The following CAMTA1 variants were observed in gnomAD, a reference collection of about 807,000 sequenced individuals.
The protein encoded by CAMTA1 is calmodulin binding transcription activator 1.
In CAMTA1, 27 loss-of-function variants were observed where a neutral mutation model predicts 170.9. The observed-to-expected ratio is 0.16, with a 90% CI of 0.12 to 0.22. CAMTA1 has a LOEUF of 0.22. Among genes scored for constraint, CAMTA1 ranks in the 10% least tolerant of loss-of-function variants. CAMTA1 has a pLI of 1.00. For missense variants in CAMTA1, 1,619 were observed against 2,217.2 expected (o/e 0.73, Z 5.42); for synonymous variants, 833 against 891.5 (o/e 0.93, Z 1.17).
chr1:7,403,124 G>C (rs192412173), intron 5 of CAMTA1, among the ~76,000 whole-genome samples: 30 of 149,530 alleles, frequency 2.0e-4, no homozygotes, highest in Non-Finnish European at 4.0e-4. Flanking sequence ...AGGCCTAGGT[G>C]GGGGGATCAG....
intron 5 of CAMTA1, among the ~76,000 whole-genome samples, chr1:7,418,322 A>G (rs2091335041): frequency 1.3e-5 from 2 of 152,146 alleles, no homozygotes; most frequent in African/African-American, 4.8e-5. Context: ...CAGCCTCCCA[A>G]ATAGCTGGGA....
chr1:7,064,215 G>GCTC lies in CAMTA1; in HGVS notation c.235-27080_235-27078dup, dbSNP rs1387111792. On this transcript the variant is annotated intron_variant, in intron 3 of 22. Transcript: ENST00000303635. This position sits in a 1 kb window ranked among gnomAD's most constrained non-coding sequence, Gnocchi z 5.4. ...CCTCTTCTTTCTCCCCTTTCCTCCT[G>GCTC]CTCCTCCTCCTGCTCCTTCCTCTTG... 1.4e-5 allele frequency among the ~76,000 whole-genome samples: 2 copies of GCTC among 144,560 alleles called. No individual in the cohort carries two copies. Among genetic ancestry groups the GCTC allele is most frequent in the Non-Finnish European group, 3.0e-5 (2 of 66,500 alleles). The allele number at this position is 144,560 out of a possible 152,430, so 94.8% of individuals were successfully genotyped here.
At chr1:6,803,095 G>A (rs1644074796) in intron 1 of CAMTA1, among the ~76,000 whole-genome samples, 1 of 152,192 alleles carries the variant, frequency 6.6e-6, no homozygotes, top group South Asian at 2.1e-4. Context: ...ACCTTGGAAT[G>A]CTATGGTCTG....
intron 3 of CAMTA1, among the ~76,000 whole-genome samples, chr1:6,871,317 C>T (rs539003578): frequency 1.7e-4 from 26 of 152,202 alleles, no homozygotes; most frequent in Admixed American, 4.6e-4. Context: ...TCTTCTAGAA[C>T]ATTGTTATAC....
chr1:7,075,465 C>CGTAA (rs1258655637), intron 3 of CAMTA1, among the ~76,000 whole-genome samples: 1 of 152,120 alleles, frequency 6.6e-6, no homozygotes, highest in Non-Finnish European at 1.5e-5. Context: ...TCACTGGTTA[C>CGTAA]CACAAACTGC....
chr1:6,974,835 C>T (rs1224707702), intron 3 of CAMTA1, among the ~76,000 whole-genome samples: 2 of 152,172 alleles, frequency 1.3e-5, no homozygotes, highest in Admixed American at 1.3e-4. Context: ...GTCTTCTTCC[C>T]TTGGGCTTAG....
chr1:7,499,051 C>A (rs192510044), intron 6 of CAMTA1, among the ~76,000 whole-genome samples: 1 of 110,036 alleles, frequency 9.1e-6, no homozygotes, highest in African/African-American at 3.7e-5. Flanking sequence ...ATTGTGTGAG[C>A]CTGGTGTGCG....
intron 3 of CAMTA1, among the ~76,000 whole-genome samples, chr1:7,082,064 T>G (rs1057178010): frequency 1.3e-5 from 2 of 152,204 alleles, no homozygotes; most frequent in Non-Finnish European, 2.9e-5. Context: ...AGGATCCTAT[T>G]GCCTCTATCC....
At chr1:7,316,020 C>A (rs548894012) in intron 5 of CAMTA1, among the ~76,000 whole-genome samples, 1 of 152,292 alleles carries the variant, frequency 6.6e-6, no homozygotes, top group African/African-American at 2.4e-5. Flanking sequence ...CAAGCTTGGA[C>A]CTTCTCACAT....
intron 6 of CAMTA1, among the ~76,000 whole-genome samples, chr1:7,473,429 G>A (rs951792318): frequency 1.3e-5 from 2 of 152,206 alleles, no homozygotes; most frequent in African/African-American, 4.8e-5. Flanking sequence ...AGGAGGAGGA[G>A]GACAAGTGGC....
chr1:7,107,893 C>G (rs1255756714), intron 4 of CAMTA1, among the ~76,000 whole-genome samples: 1 of 152,246 alleles, frequency 6.6e-6, no homozygotes, highest in African/African-American at 2.4e-5. Flanking sequence ...GAAGTGTTTA[C>G]AAGGTCACCC....
chr1:7,379,784 C>T (rs779563416), intron 5 of CAMTA1, among the ~76,000 whole-genome samples: 27 of 152,312 alleles, frequency 1.8e-4, no homozygotes, highest in South Asian at 4.1e-4. Context: ...TCTTGGCCTC[C>T]CGATGCCTCT....
At chr1:7,338,012 CAT>C (rs975502562) in intron 5 of CAMTA1, among the ~76,000 whole-genome samples, 7 of 141,818 alleles carry the variant, frequency 4.9e-5, no homozygotes, top group East Asian at 1.9e-4. Context: ...AGCTACATAA[CAT>C]ATATACATAT....
intron 5 of CAMTA1, among the ~76,000 whole-genome samples, chr1:7,412,973 T>C (rs2090896651): frequency 6.6e-6 from 1 of 152,144 alleles, no homozygotes. Flanking sequence ...TTTCTACATA[T>C]GGCTAGCCAG....
chr1:6,868,054 C>T (rs1175632357), intron 3 of CAMTA1, among the ~76,000 whole-genome samples: 1 of 152,098 alleles, frequency 6.6e-6, no homozygotes, highest in African/African-American at 2.4e-5. Context: ...ATCCTCCTGC[C>T]TTTGCTTTCC....
chr1:7,278,481 A>G (rs995432324), intron 5 of CAMTA1, among the ~76,000 whole-genome samples: 1 of 152,230 alleles, frequency 6.6e-6, no homozygotes, highest in Non-Finnish European at 1.5e-5. Context: ...CTTTACTACA[A>G]TAAGTGCTTT....
Position 7,665,052 on chromosome 1 carries a change from C to G in CAMTA1, c.2505C>G (p.Ser835Arg). The G allele has an allele frequency of 6.3e-7, 1 of 1,576,520 alleles. No homozygotes were observed. Among genetic ancestry groups the G allele is most frequent in the South Asian group, 1.2e-5 (1 of 84,798 alleles). ...AGCAGGGTAGCCTGCAGCTGAGCAG[C>G]TCGGAGGGCGGGGCCAGCACCATGG... is the stretch of plus-strand genomic sequence containing the variant. ...SPQQGSLQLS[S>R]SEGGASTMAY... is the part of the protein sequence containing the mutation. The change falls in exon 9 of 23, where the codon AGC becomes AGG. Residue 835 changes from serine to arginine, a missense_variant. Physicochemically the swap from Ser to Arg is moderately radical, Grantham distance 110. This residue lies in a region of CAMTA1 where 731 missense variants were observed against 907.6 expected (regional missense o/e 0.81). Transcript: ENST00000303635. The surrounding 1 kb of genome is among the most constrained non-coding windows in gnomAD (Gnocchi z 4.3).
chr1:7,273,195 C>G (rs1670106322), intron 5 of CAMTA1, among the ~76,000 whole-genome samples: 1 of 152,162 alleles, frequency 6.6e-6, no homozygotes, highest in Non-Finnish European at 1.5e-5. Context: ...TCTGGCAGTT[C>G]CTCAGAATGT....
rs1026032714 is a variant in CAMTA1 at position 7,234,602 on chromosome 1, C to T, written c.303-14889C>T. On this transcript the variant is annotated intron_variant, in intron 4 of 22. Coordinates refer to ENST00000303635, the MANE Select transcript of CAMTA1 (RefSeq NM_015215.4). The surrounding 1 kb of genome is among the most constrained non-coding windows in gnomAD (Gnocchi z 5.0). Reference sequence around the variant, plus strand: ...TGAACGTCAGCGTAGAGTTTCAAGCCGAGGCCCTGGGAGCCCTGGGAAGGT... The same window carrying T: ...TGAACGTCAGCGTAGAGTTTCAAGCTGAGGCCCTGGGAGCCCTGGGAAGGT... Among the ~76,000 whole-genome samples, 7 of 152,088 alleles carry T rather than the reference C, an allele frequency of 4.6e-5. No individual in the cohort carries two copies. The highest frequency in any genetic ancestry group is 1.9e-4 in the East Asian group (1 of 5,192).
Sources: allele counts gnomAD v4.1 joint callset (sites outside exome capture counted in the v4.1 genomes callset), GRCh38; gene constraint gnomAD v4.1.1; regional missense constraint gnomAD v4.1.1; non-coding constraint Gnocchi (gnomAD v3.1); transcripts MANE v1.5; gene names NCBI Gene and HGNC (gene_info 2026-07-23, HGNC 2026-07-21).